The following CHCHD3 variants were observed in gnomAD, a reference collection of about 807,000 sequenced individuals.
CHCHD3 encodes coiled-coil-helix-coiled-coil-helix domain containing 3, also known as MICOS complex subunit MIC19.
In CHCHD3, 20 loss-of-function variants were observed where a neutral mutation model predicts 38.2. The ratio of observed to expected loss-of-function variants is 0.52; its 90% CI spans 0.37 to 0.76. The LOEUF (loss-of-function observed/expected upper bound fraction) is 0.76. CHCHD3 is among the 30% of genes least tolerant of loss of function. The pLI is 0.00. For synonymous variants in CHCHD3, 82 were observed against 100.0 expected (o/e 0.82, Z 1.07); for missense variants, 245 against 279.2 (o/e 0.88, Z 0.87).
chr7:133,017,270 T>G (rs1813055742), intron 3 of CHCHD3, among the ~76,000 whole-genome samples: 1 of 152,214 alleles, frequency 6.6e-6, no homozygotes, highest in African/African-American at 2.4e-5. Flanking sequence ...AGCAACAGAC[T>G]AGGTAGAGCA....
chr7:133,071,138 G>A (rs1213812954), intron 1 of CHCHD3, among the ~76,000 whole-genome samples: 2 of 152,132 alleles, frequency 1.3e-5, no homozygotes, highest in South Asian at 2.1e-4. Context: ...TTACTATCGC[G>A]TCATCCTTTT....
chr7:132,978,455 C>T (rs927205076), intron 3 of CHCHD3, among the ~76,000 whole-genome samples: 1 of 152,206 alleles, frequency 6.6e-6, no homozygotes, highest in African/African-American at 2.4e-5. Context: ...TTGTTCACTG[C>T]TATATCCCCC....
intron 6 of CHCHD3, among the ~76,000 whole-genome samples, chr7:132,804,569 A>G (rs1471352767): frequency 2.0e-5 from 3 of 152,194 alleles, no homozygotes; most frequent in African/African-American, 7.2e-5. Flanking sequence ...TTTAATACCA[A>G]GAGAAGTCAA....
chr7:132,865,769 G>T (rs888291116), intron 5 of CHCHD3, among the ~76,000 whole-genome samples: 1 of 152,108 alleles, frequency 6.6e-6, no homozygotes, highest in Non-Finnish European at 1.5e-5. Context: ...CTATTTATTG[G>T]GTAGCAAGAG....
intron 7 of CHCHD3, 75 bp from the exon 8 acceptor site, chr7:132,785,735 T>A (rs377534682): frequency 2.1e-6 from 3 of 1,407,912 alleles, no homozygotes; most frequent in Non-Finnish European, 3.0e-6. Flanking sequence ...CTATTTAGTA[T>A]GATTTGTGTT....
intron 3 of CHCHD3, among the ~76,000 whole-genome samples, chr7:132,983,999 A>C (rs1402112564): frequency 5.8e-4 from 85 of 145,858 alleles, no homozygotes; most frequent in African/African-American, 2.2e-3. Context: ...CCCTCTCCCC[A>C]CGGTCTCCCT....
At chr7:133,016,471 T>A in intron 3 of CHCHD3, among the ~76,000 whole-genome samples, 1 of 152,178 alleles carries the variant, frequency 6.6e-6, no homozygotes, top group Non-Finnish European at 1.5e-5. Flanking sequence ...AAGAATGGGA[T>A]ACAAAAGAAT....
At chr7:132,967,041 A>G (rs937127635) in intron 4 of CHCHD3, among the ~76,000 whole-genome samples, 1 of 152,202 alleles carries the variant, frequency 6.6e-6, no homozygotes, top group African/African-American at 2.4e-5. Context: ...TGCTCTCCAT[A>G]TCTCACCTGG....
chr7:132,946,166 T>TTA (rs1200279701), intron 4 of CHCHD3, among the ~76,000 whole-genome samples: 5 of 131,952 alleles, frequency 3.8e-5, no homozygotes, highest in African/African-American at 7.8e-5. Flanking sequence ...TACTTGGCCT[T>TTA]TATATATGTG....
At chr7:132,867,918 A>G (rs1363364979) in intron 5 of CHCHD3, among the ~76,000 whole-genome samples, 1 of 152,176 alleles carries the variant, frequency 6.6e-6, no homozygotes, top group Non-Finnish European at 1.5e-5. Flanking sequence ...GTTAGCAGGT[A>G]TTTTTACCAT....
At chr7:132,801,196 T>C (rs1321960165) in intron 6 of CHCHD3, among the ~76,000 whole-genome samples, 1 of 152,194 alleles carries the variant, frequency 6.6e-6, no homozygotes, top group Non-Finnish European at 1.5e-5. Flanking sequence ...AGGAAGAAAA[T>C]ATTTATCTGA....
intron 3 of CHCHD3, among the ~76,000 whole-genome samples, chr7:133,006,411 G>A (rs1298644818): frequency 6.6e-6 from 1 of 151,998 alleles, no homozygotes; most frequent in Non-Finnish European, 1.5e-5. Flanking sequence ...AGGTTGCAGT[G>A]AGCTGAGATC....
chr7:132,917,921 A>C (rs1810156610), intron 4 of CHCHD3, among the ~76,000 whole-genome samples: 1 of 152,082 alleles, frequency 6.6e-6, no homozygotes. Flanking sequence ...TATATACATA[A>C]AAGCATGTTT....
intron 5 of CHCHD3, among the ~76,000 whole-genome samples, chr7:132,859,225 T>C (rs917922679): frequency 6.6e-6 from 1 of 152,170 alleles, no homozygotes; most frequent in Non-Finnish European, 1.5e-5. Context: ...TATTTAAAAG[T>C]TATTATATAT....
chr7:132,821,745 A>ATT lies in CHCHD3; in HGVS notation c.524+16653_524+16654insAA, dbSNP rs1194009718. On this transcript the variant is annotated intron_variant, in intron 6 of 7. Transcript: ENST00000262570. The stretch of plus-strand genomic sequence containing the variant: ...ACGTGGCCAAAAGCTTAGCACTCAA[A>ATT]TCTTTTTTTTTTTTTTTTTTTTTTT... 9.8e-5 allele frequency among the ~76,000 whole-genome samples: 12 copies of ATT among 122,502 alleles called. No individual in the cohort carries two copies. In the East Asian group the frequency reaches 1.3e-3, roughly 14 times the overall value. The allele number at this position is 122,502 out of a possible 152,430, so 80.4% of individuals were successfully genotyped here.
chr7:133,002,646 C>A (rs1812603970), intron 3 of CHCHD3, among the ~76,000 whole-genome samples: 1 of 151,796 alleles, frequency 6.6e-6, no homozygotes, highest in Non-Finnish European at 1.5e-5. Context: ...AACATAGCTT[C>A]AATTTGTAAT....
intron 3 of CHCHD3, among the ~76,000 whole-genome samples, chr7:133,023,422 G>A (rs541517126): frequency 1.3e-5 from 2 of 152,290 alleles, no homozygotes; most frequent in African/African-American, 4.8e-5. Context: ...TAAATTATAT[G>A]GTGAAGGTCC....
rs982457211 is a variant in CHCHD3 at position 133,082,034 on chromosome 7, C to A, written c.-97G>T. On this transcript the variant is annotated 5_prime_UTR_variant, in exon 1 of 8. Transcript: ENST00000262570. ...CGCGTGGAAGGGCCTGGATTCTTTTCCCGCACAGCGGGAGCAAGGCCACGA... is the reference window on the plus strand; with the variant it reads ...CGCGTGGAAGGGCCTGGATTCTTTTACCGCACAGCGGGAGCAAGGCCACGA... 9.4e-5 allele frequency: 110 copies of A among 1,164,756 alleles called. No homozygotes were observed. Among genetic ancestry groups the A allele is most frequent in the Non-Finnish European group, 1.3e-4 (107 of 845,886 alleles). The allele number at this position is 1,164,756 out of a possible 1,614,324, so 72.2% of individuals were successfully genotyped here.
At chr7:132,917,609 G>A (rs999411614) in intron 4 of CHCHD3, among the ~76,000 whole-genome samples, 1 of 151,984 alleles carries the variant, frequency 6.6e-6, no homozygotes, top group African/African-American at 2.4e-5. Flanking sequence ...CTGTAATCTC[G>A]GCACTTTGAG....
Sources: allele counts gnomAD v4.1 joint callset (sites outside exome capture counted in the v4.1 genomes callset), GRCh38; gene constraint gnomAD v4.1.1; transcripts MANE v1.5; gene names NCBI Gene and HGNC (gene_info 2026-07-23, HGNC 2026-07-21).